Variants in LBHD2 observed in about 807,000 individuals in gnomAD.
LBHD2 encodes LBH domain-containing protein 2.
intron 2 of LBHD2, among the ~76,000 whole-genome samples, chr14:103,086,818 G>C (rs888376885): frequency 2.0e-5 from 3 of 152,230 alleles, no homozygotes; most frequent in Admixed American, 6.5e-5. Flanking sequence ...AGTGGGGCTA[G>C]AGAGGGGGAC....
intron 2 of LBHD2, among the ~76,000 whole-genome samples, chr14:103,086,822 G>A (rs1045383541): frequency 1.6e-4 from 24 of 152,110 alleles, no homozygotes; most frequent in African/African-American, 5.5e-4. Context: ...GGGCTAGAGA[G>A]GGGGACCAGC....
intron 2 of LBHD2, among the ~76,000 whole-genome samples, chr14:103,086,721 AAAC>A (rs942903295): frequency 6.6e-6 from 1 of 151,934 alleles, no homozygotes; most frequent in Admixed American, 6.6e-5. Flanking sequence ...AAAAAAAAAA[AAAC>A]AAGCTCCCTA....
intron 2 of LBHD2, among the ~76,000 whole-genome samples, chr14:103,086,438 T>C (rs1410248094): frequency 6.6e-6 from 1 of 152,238 alleles, no homozygotes; most frequent in East Asian, 1.9e-4. Context: ...TTCCAACTCC[T>C]GACCTCAGGT....
At chr14:103,088,949 G>A (rs1288893928) in intron 3 of LBHD2, among the ~76,000 whole-genome samples, 4 of 152,236 alleles carry the variant, frequency 2.6e-5, no homozygotes, top group African/African-American at 9.7e-5. Flanking sequence ...AGCTGAGATC[G>A]TGCCACTGCA....
At chr14:103,086,123 C>T (rs1490038028) in intron 2 of LBHD2, 42 bp downstream of exon 2, 3 of 398,500 alleles carry the variant, frequency 7.5e-6, no homozygotes, top group Non-Finnish European at 1.3e-5. Context: ...GGGAGCAAGC[C>T]TCAAACTCTG....
chr14:103,085,537 G>A (rs753896987), intron 1 of LBHD2, among the ~76,000 whole-genome samples: 1 of 152,206 alleles, frequency 6.6e-6, no homozygotes, highest in Non-Finnish European at 1.5e-5. Context: ...TCTCGAGGAG[G>A]AAATGGGCAC....
At chr14:103,088,499 G>A (rs1439290532) in intron 3 of LBHD2, among the ~76,000 whole-genome samples, 3 of 152,250 alleles carry the variant, frequency 2.0e-5, no homozygotes, top group Non-Finnish European at 4.4e-5. Flanking sequence ...GCCTGGGCAC[G>A]GGAGGTGCAC....
intron 1 of LBHD2, 99 bp from the exon 2 acceptor site, chr14:103,085,877 T>TG (rs1043817732): frequency 7.6e-6 from 3 of 396,478 alleles, no homozygotes; most frequent in Middle Eastern, 6.3e-4. Context: ...GCACTGGGCC[T>TG]GGGCTGGGGT....
intron 3 of LBHD2, among the ~76,000 whole-genome samples, chr14:103,089,113 G>A (rs1889673909): frequency 6.6e-6 from 1 of 152,274 alleles, no homozygotes; most frequent in South Asian, 2.1e-4. Flanking sequence ...TGGCTCTGAG[G>A]GCCACTGGGG....
At chr14:103,087,429 G>T (rs561207606) in intron 2 of LBHD2, among the ~76,000 whole-genome samples, 16 of 152,236 alleles carry the variant, frequency 1.1e-4, no homozygotes, top group Admixed American at 2.6e-4. Context: ...GCACAGGCGT[G>T]GGGGTGGGAC....
intron 2 of LBHD2, among the ~76,000 whole-genome samples, chr14:103,087,813 T>A (rs7154919): frequency 0.28 from 42,330 of 152,076 alleles, 6,302 homozygotes; most frequent in East Asian, 0.38. Flanking sequence ...TGCAATGGGC[T>A]TCTGGAGCTG....
intron 2 of LBHD2, among the ~76,000 whole-genome samples, chr14:103,087,884 C>T (rs1889655564): frequency 1.3e-5 from 2 of 152,168 alleles, no homozygotes; most frequent in African/African-American, 4.8e-5. Flanking sequence ...GAGCACCCTA[C>T]CCCCAGGGTT....
intron 3 of LBHD2, among the ~76,000 whole-genome samples, chr14:103,089,305 T>C (rs1370409800): frequency 1.3e-5 from 2 of 152,180 alleles, no homozygotes; most frequent in African/African-American, 4.8e-5. Context: ...CCCCTTTTCA[T>C]TGTGGCCAGA....
chr14:103,086,738 A>T (rs1389411050), intron 2 of LBHD2, among the ~76,000 whole-genome samples: 2 of 151,654 alleles, frequency 1.3e-5, no homozygotes, highest in Non-Finnish European at 2.9e-5. Context: ...CTCCCTACAC[A>T]GGGTCGCAGC....
rs534209872 is a variant in LBHD2 at position 103,086,101 on chromosome 14, G to T, written c.69+20G>T. Reference sequence around the variant, plus strand: ...GGGAAGGTATGCGCTCGGGACCCTGGGGGGGTCGGGAGGGAGCAAGCCTCA... The same window carrying T: ...GGGAAGGTATGCGCTCGGGACCCTGTGGGGGTCGGGAGGGAGCAAGCCTCA... On this transcript the variant is annotated intron_variant, in intron 2 of 3. Coordinates refer to ENST00000634353, the MANE Select transcript of LBHD2 (RefSeq NM_001330236.2). The T allele has an allele frequency of 1.2e-5, 4 of 329,134 alleles. No homozygotes were observed. Among genetic ancestry groups the T allele is most frequent in the Non-Finnish European group, 2.1e-5 (4 of 189,248 alleles). 20.4% of individuals were successfully genotyped at this position (329,134 alleles called of 1,614,324 possible). A position where few individuals can be genotyped will look rare whatever the true frequency, so the allele number is the denominator to read the frequency against.
At chr14:103,089,649 G>A (rs963698193) in intron 3 of LBHD2, 48 bp from the exon 4 acceptor site, 5 of 398,480 alleles carry the variant, frequency 1.3e-5, no homozygotes, top group African/African-American at 1.0e-4. Context: ...ATCCTCTCAG[G>A]CTGCACTCCC....
intron 2 of LBHD2, 110 bp from the exon 3 acceptor site, chr14:103,087,975 G>A (rs1038831431): frequency 1.0e-5 from 4 of 397,726 alleles, no homozygotes; most frequent in South Asian, 2.8e-4. Context: ...CTGGGGACTG[G>A]GTGGGAAGGG....
intron 2 of LBHD2, among the ~76,000 whole-genome samples, chr14:103,086,439 G>A (rs1040782860): frequency 3.9e-5 from 6 of 152,194 alleles, no homozygotes; most frequent in Non-Finnish European, 7.3e-5. Flanking sequence ...TCCAACTCCT[G>A]ACCTCAGGTG....
intron 1 of LBHD2, among the ~76,000 whole-genome samples, chr14:103,085,715 C>T (rs1889623537): frequency 6.6e-6 from 1 of 152,244 alleles, no homozygotes; most frequent in African/African-American, 2.4e-5. Context: ...TCTCAGGCCT[C>T]AGATCAGCAG....
Sources: gnomAD v4.1 joint callset for allele counts (sites outside exome capture counted in the v4.1 genomes callset) on GRCh38, gnomAD v4.1.1 for gene constraint, MANE v1.5 for transcripts, NCBI Gene and HGNC (gene_info 2026-07-23, HGNC 2026-07-21) for gene names.